The following RBFOX3 variants were observed in gnomAD, a reference collection of about 807,000 sequenced individuals.
RBFOX3 encodes RNA binding fox-1 homolog 3, also known as RNA binding protein fox-1 homolog 3.
RBFOX3 carries 17 observed loss-of-function variants against 48.7 expected under a neutral mutation model. The observed-to-expected ratio is 0.35, with a 90% CI of 0.24 to 0.52. The LOEUF is 0.52. RBFOX3 is among the 20% of genes least tolerant of loss of function. The probability of loss-of-function intolerance (pLI) is 0.94; values close to 1 mark genes in which losing one functional copy is unlikely to be tolerated. For synonymous variants in RBFOX3, 212 were observed against 209.5 expected, an observed-to-expected ratio of 1.01 and a Z score of -0.10; for missense variants, 382 against 497.5, an observed-to-expected ratio of 0.77 and a Z score of 2.21.
intron 4 of RBFOX3, among the ~76,000 whole-genome samples, chr17:79,193,442 CT>C (rs954767524): frequency 6.6e-6 from 1 of 152,132 alleles, no homozygotes; most frequent in African/African-American, 2.4e-5. Context: ...CCATACTCAC[CT>C]CCCCCCGCCA....
chr17:79,114,754 G>C (rs1008285984), intron 5 of RBFOX3, among the ~76,000 whole-genome samples: 2 of 152,186 alleles, frequency 1.3e-5, no homozygotes, highest in Non-Finnish European at 1.5e-5. Flanking sequence ...CCAGAGCAGG[G>C]GCAGGGGAGG....
intron 3 of RBFOX3, among the ~76,000 whole-genome samples, chr17:79,265,847 G>C (rs549014208): frequency 1.3e-5 from 2 of 152,326 alleles, no homozygotes; most frequent in South Asian, 4.1e-4. Flanking sequence ...TCTACCGCCA[G>C]CTCCAGGTGA....
At chr17:79,322,378 A>G (rs544011507) in intron 2 of RBFOX3, among the ~76,000 whole-genome samples, 1 of 152,304 alleles carries the variant, frequency 6.6e-6, no homozygotes, top group South Asian at 2.1e-4. Flanking sequence ...CAAGTCATTA[A>G]GTGAGATGGC....
At chr17:79,269,794 C>G (rs2067347904) in intron 3 of RBFOX3, among the ~76,000 whole-genome samples, 1 of 148,828 alleles carries the variant, frequency 6.7e-6, no homozygotes, top group African/African-American at 2.6e-5. Flanking sequence ...TGCTGGGTTC[C>G]TTTCCATTGT....
In RBFOX3 at chr17:79,496,570, G is replaced by A. The variant is rs372796750; in HGVS notation, c.-319-13972C>T. ...GAATTCTAGCCACCAGGAGAAAGCTGCCCAGGCCCTGGCGGGGCTTGGCTT... is the reference window on the plus strand; with the variant it reads ...GAATTCTAGCCACCAGGAGAAAGCTACCCAGGCCCTGGCGGGGCTTGGCTT... On this transcript the variant is annotated intron_variant, in intron 1 of 14. Coordinates refer to ENST00000693108, the MANE Select transcript of RBFOX3 (RefSeq NM_001350451.2). Among the ~76,000 whole-genome samples, 210 of 152,308 alleles carry A rather than the reference G, an allele frequency of 1.4e-3. 2 individuals carry two copies. Among genetic ancestry groups the A allele is most frequent in the African/African-American group, 4.6e-3 (191 of 41,570 alleles).
chr17:79,196,973 C>A (rs2055720852), intron 4 of RBFOX3, among the ~76,000 whole-genome samples: 1 of 152,214 alleles, frequency 6.6e-6, no homozygotes, highest in African/African-American at 2.4e-5. Context: ...CTCTGCACTG[C>A]CCTCCAGCAC....
chr17:79,423,399 C>T lies in RBFOX3; in HGVS notation c.-175+59055G>A, dbSNP rs1410491518. 2.6e-5 allele frequency among the ~76,000 whole-genome samples: 4 copies of T among 152,098 alleles called. No individual in the cohort carries two copies. On this transcript the variant is annotated intron_variant, in intron 2 of 14. Transcript: ENST00000693108. The surrounding 1 kb of genome is among the most constrained non-coding windows in gnomAD (Gnocchi z 4.9). ...CAACCCTACCTCCAGTGTGGTCCGGCGCCACCACCTCTGCCGGACGTTTGC... is the reference window on the plus strand; with the variant it reads ...CAACCCTACCTCCAGTGTGGTCCGGTGCCACCACCTCTGCCGGACGTTTGC...
At chr17:79,568,062 C>T (rs985413692) in intron 1 of RBFOX3, among the ~76,000 whole-genome samples, 68 of 152,308 alleles carry the variant, frequency 4.5e-4, no homozygotes, top group Middle Eastern at 3.4e-3. Context: ...CGTGTACTTG[C>T]GCTGGGTACT....
In RBFOX3 at chr17:79,301,101, C is replaced by T. The variant is rs555225895; in HGVS notation, c.-74+6623G>A. Among the ~76,000 whole-genome samples the T allele has an allele frequency of 1.2e-4, 19 of 152,328 alleles. No homozygotes were observed. In the South Asian group the frequency reaches 3.7e-3, roughly 30 times the overall value. On this transcript the variant is annotated intron_variant, in intron 3 of 14. Coordinates refer to ENST00000693108, the MANE Select transcript of RBFOX3 (RefSeq NM_001350451.2). ...CTCGGCAGTTTTAACATACGTAGGC[C>T]CCAGGGAGAAGCCTCTGGCTAGGAG...
chr17:79,286,979 A>G (rs1490940795), intron 3 of RBFOX3, among the ~76,000 whole-genome samples: 1 of 152,244 alleles, frequency 6.6e-6, no homozygotes, highest in Non-Finnish European at 1.5e-5. Context: ...AGAGACTCTG[A>G]GAAAGCAGCA....
chr17:79,268,289 C>T (rs1236942181), intron 3 of RBFOX3, among the ~76,000 whole-genome samples: 1 of 152,118 alleles, frequency 6.6e-6, no homozygotes, highest in Admixed American at 6.5e-5. Context: ...TTTCCCAGCC[C>T]ACCTTGCCTC....
chr17:79,278,744 C>T (rs2069537816), intron 3 of RBFOX3, among the ~76,000 whole-genome samples: 1 of 152,258 alleles, frequency 6.6e-6, no homozygotes, highest in Admixed American at 6.5e-5. Context: ...GAAGATGCAT[C>T]CACATGCATA....
At chr17:79,095,701 C>A in intron 12 of RBFOX3, 127 bp from the exon 13 acceptor site, 1 of 757,010 alleles carries the variant, frequency 1.3e-6, no homozygotes. Context: ...ACCTTCCCAG[C>A]CTCCCAGCCT....
intron 4 of RBFOX3, among the ~76,000 whole-genome samples, chr17:79,117,425 G>C (rs1311045314): frequency 6.6e-6 from 1 of 152,184 alleles, no homozygotes; most frequent in Non-Finnish European, 1.5e-5. Context: ...ATCACCCGGG[G>C]CCACGCACGC....
At position 79,580,741 on chromosome 17, in the gene RBFOX3, G is replaced by A. The variant is rs903133631; in HGVS notation, c.-320+30085C>T. ...AACCTCTTTCTGGAACATTCCTGGTGGTCACGACAGAGAGGAAAGAGGGAT... is the reference window on the plus strand; with the variant it reads ...AACCTCTTTCTGGAACATTCCTGGTAGTCACGACAGAGAGGAAAGAGGGAT... On this transcript the variant is annotated intron_variant, in intron 1 of 14. Coordinates refer to ENST00000693108, the MANE Select transcript of RBFOX3 (RefSeq NM_001350451.2). Among the ~76,000 whole-genome samples, 1,118 of 152,244 alleles carry A rather than the reference G, an allele frequency of 7.3e-3. 11 individuals are homozygous for A. The highest frequency in any genetic ancestry group is 0.026 in the African/African-American group (1,066 of 41,532).
chr17:79,639,165 TTTTATTTTTTATTG>T, the RBFOX3 span, among the ~76,000 whole-genome samples: 6 of 152,010 alleles, frequency 3.9e-5, no homozygotes, highest in African/African-American at 1.4e-4. Flanking sequence ...TTATTTATTT[TTTTATTTTTTATTG>T]TTTATTTTTT....
intron 4 of RBFOX3, among the ~76,000 whole-genome samples, chr17:79,183,048 G>A (rs113044305): frequency 2.7e-5 from 4 of 148,604 alleles, no homozygotes; most frequent in Non-Finnish European, 6.0e-5. Flanking sequence ...CGGCCCCCCC[G>A]CCTCGCGCCG....
rs950925214 is a variant in RBFOX3 at position 79,585,952 on chromosome 17, T to G, written c.-320+24874A>C. 1.3e-4 allele frequency among the ~76,000 whole-genome samples: 20 copies of G among 152,234 alleles called. 1 individual carries two copies. Among genetic ancestry groups the G allele is most frequent in the Non-Finnish European group, 2.5e-4 (17 of 68,040 alleles). ...TGGCACTGACCCCCAGCTGAGCTCC[T>G]GCATCCACCAACCAGCCTTCCCATC... On this transcript the variant is annotated intron_variant, in intron 1 of 14. Coordinates refer to ENST00000693108, the MANE Select transcript of RBFOX3 (RefSeq NM_001350451.2).
chr17:79,097,794 C>T, intron 9 of RBFOX3, 49 bp from the exon 10 acceptor site: 1 of 1,536,660 alleles, frequency 6.5e-7, no homozygotes. Context: ...CGACCCTTTT[C>T]CCACCAAAAC....
Sources: gnomAD v4.1 joint callset for allele counts (sites outside exome capture counted in the v4.1 genomes callset) on GRCh38, gnomAD v4.1.1 for gene constraint, Gnocchi (gnomAD v3.1) non-coding constraint, MANE v1.5 for transcripts, NCBI Gene and HGNC (gene_info 2026-07-23, HGNC 2026-07-21) for gene names.